The following FSTL5 variants were observed in gnomAD, a reference collection of about 807,000 sequenced individuals.
FSTL5 encodes follistatin like 5.
FSTL5 carries 62 observed loss-of-function variants against 89.1 expected under a neutral mutation model. The ratio of observed to expected loss-of-function variants is 0.70; its 90% confidence interval spans 0.57 to 0.86. FSTL5 has a LOEUF of 0.86. Among genes scored for constraint, FSTL5 ranks in the 40% least tolerant of loss-of-function variants. The pLI is 0.00. For synonymous variants in FSTL5, 383 were observed against 346.2 expected, an observed-to-expected ratio of 1.11 and a Z score of -1.18; for missense variants, 1,057 against 1,001.6, an observed-to-expected ratio of 1.06 and a Z score of -0.75.
chr4:162,044,279 T>A (rs1490478547), intron 2 of FSTL5, among the ~76,000 whole-genome samples: 1 of 152,212 alleles, frequency 6.6e-6, no homozygotes, highest in Non-Finnish European at 1.5e-5. Flanking sequence ...CACATCAGTA[T>A]CCTTGTAAAT....
At chr4:161,986,133 C>A (rs1235950924) in intron 3 of FSTL5, among the ~76,000 whole-genome samples, 1 of 152,118 alleles carries the variant, frequency 6.6e-6, no homozygotes, top group African/African-American at 2.4e-5. Flanking sequence ...TATCTGCACA[C>A]CTCATTCTCT....
intron 3 of FSTL5, among the ~76,000 whole-genome samples, chr4:162,001,900 A>G (rs1736475340): frequency 6.6e-6 from 1 of 152,012 alleles, no homozygotes; most frequent in South Asian, 2.1e-4. Flanking sequence ...ATTTCATTTC[A>G]GGCATCATGA....
At chr4:161,531,602 A>G (rs17041181) in intron 10 of FSTL5, among the ~76,000 whole-genome samples, 9,272 of 152,274 alleles carry the variant, frequency 0.061, 895 homozygotes, top group African/African-American at 0.21. Flanking sequence ...ACTAAAGTGT[A>G]GCTTCTGCTT....
chr4:161,508,006 T>C (rs977601794), intron 11 of FSTL5, among the ~76,000 whole-genome samples: 10 of 151,990 alleles, frequency 6.6e-5, no homozygotes, highest in Non-Finnish European at 1.3e-4. Context: ...AAAACACTGC[T>C]AGAATGAAAA....
intron 4 of FSTL5, among the ~76,000 whole-genome samples, chr4:161,860,286 TCAAACAAACAAA>T (rs10690156): frequency 2.7e-5 from 4 of 149,798 alleles, no homozygotes; most frequent in African/African-American, 4.9e-5. Context: ...AGACTCCGTC[TCAAACAAACAAA>T]CAAACAAACA....
intron 3 of FSTL5, among the ~76,000 whole-genome samples, chr4:161,933,176 T>A (rs1261306287): frequency 6.6e-6 from 1 of 152,076 alleles, no homozygotes. Context: ...GGCACCTCAC[T>A]CTCCCTACAC....
chr4:161,559,557 C>T (rs1244348209), intron 8 of FSTL5, among the ~76,000 whole-genome samples: 1 of 151,862 alleles, frequency 6.6e-6, no homozygotes, highest in African/African-American at 2.4e-5. Flanking sequence ...ACAAAAAGTA[C>T]ACTGTGAAAA....
intron 3 of FSTL5, among the ~76,000 whole-genome samples, chr4:161,948,133 A>T (rs1245101681): frequency 2.7e-5 from 4 of 150,216 alleles, no homozygotes; most frequent in African/African-American, 9.8e-5. Flanking sequence ...AAAAAAAAAA[A>T]GCTGCTGGGT....
chr4:162,129,536 C>T (rs1732215500), intron 1 of FSTL5, among the ~76,000 whole-genome samples: 1 of 152,168 alleles, frequency 6.6e-6, no homozygotes, highest in African/African-American at 2.4e-5. Flanking sequence ...AAAATATCAA[C>T]AGAACATTGT....
chr4:161,620,650 C>G (rs1276843731), intron 7 of FSTL5, among the ~76,000 whole-genome samples: 3 of 151,982 alleles, frequency 2.0e-5, no homozygotes, highest in Non-Finnish European at 2.9e-5. Context: ...GAATGAAACT[C>G]CATCTCAAAA....
At chr4:161,845,068 A>T (rs1398998334) in intron 4 of FSTL5, among the ~76,000 whole-genome samples, 1 of 152,186 alleles carries the variant, frequency 6.6e-6, no homozygotes, top group Non-Finnish European at 1.5e-5. Flanking sequence ...AATAGAACAG[A>T]AAACAACAAT....
chr4:162,050,904 T>C (rs1322784696), intron 2 of FSTL5, among the ~76,000 whole-genome samples: 1 of 150,948 alleles, frequency 6.6e-6, no homozygotes, highest in Non-Finnish European at 1.5e-5. Context: ...AAGCAGGAAA[T>C]AGGAAAAATA....
chr4:161,739,800 C>A (rs1214288309), intron 6 of FSTL5, among the ~76,000 whole-genome samples: 2 of 151,724 alleles, frequency 1.3e-5, no homozygotes, highest in Non-Finnish European at 1.5e-5. Flanking sequence ...ACATGAGTAG[C>A]CAGATGAATA....
rs546984111 is a variant in FSTL5 at position 161,934,029 on chromosome 4, C to A, written c.161-13377G>T. Among the ~76,000 whole-genome samples, 32 of 152,046 alleles carry A rather than the reference C, an allele frequency of 2.1e-4. 1 individual carries two copies. In the South Asian group the frequency reaches 6.6e-3, roughly 32 times the overall value. On this transcript the variant is annotated intron_variant, in intron 3 of 15. Coordinates refer to ENST00000306100, the MANE Select transcript of FSTL5 (RefSeq NM_020116.5). ...TATACTGACCTAAGCATTTTCTTCCCATCATTTGATGGGAAGACCTCATTT... is the reference window on the plus strand; with the variant it reads ...TATACTGACCTAAGCATTTTCTTCCAATCATTTGATGGGAAGACCTCATTT...
chr4:161,855,130 G>A (rs1342456897), intron 4 of FSTL5, among the ~76,000 whole-genome samples: 1 of 151,702 alleles, frequency 6.6e-6, no homozygotes, highest in African/African-American at 2.4e-5. Flanking sequence ...TTAAAGAGAA[G>A]AGAGTCTGAT....
intron 6 of FSTL5, among the ~76,000 whole-genome samples, chr4:161,661,938 T>C (rs1253432053): frequency 6.6e-6 from 1 of 152,190 alleles, no homozygotes; most frequent in East Asian, 1.9e-4. Context: ...AATGAGGAAC[T>C]GCCCAGTCTA....
Position 161,459,192 on chromosome 4 carries a change from A to C in FSTL5, c.1716+20T>G, listed in dbSNP as rs373350419. On this transcript the variant is annotated intron_variant, in intron 14 of 15. Transcript: ENST00000306100. ...GCTTTAAAGATTGTTATTTTCTCTA[A>C]TATACTGAAATGTACTTACCTGTAG... 2.3e-5 allele frequency: 29 copies of C among 1,281,218 alleles called. No homozygotes were observed. Among genetic ancestry groups the C allele is most frequent in the Admixed American group, 3.4e-5 (2 of 58,204 alleles). The allele number at this position is 1,281,218 out of a possible 1,614,324, so 79.4% of individuals were successfully genotyped here.
chr4:162,013,937 G>A (rs1736843079), intron 3 of FSTL5, among the ~76,000 whole-genome samples: 1 of 152,078 alleles, frequency 6.6e-6, no homozygotes, highest in South Asian at 2.1e-4. Context: ...CTGGATTTAA[G>A]CAAACTAAGA....
chr4:161,701,667 T>G (rs1276653267), intron 6 of FSTL5, among the ~76,000 whole-genome samples: 1 of 152,128 alleles, frequency 6.6e-6, no homozygotes, highest in Non-Finnish European at 1.5e-5. Flanking sequence ...AATGGTAATG[T>G]TCTAAGCAAA....
Sources: gnomAD v4.1 joint callset for allele counts (sites outside exome capture counted in the v4.1 genomes callset) on GRCh38, gnomAD v4.1.1 for gene constraint, MANE v1.5 for transcripts, NCBI Gene and HGNC (gene_info 2026-07-23, HGNC 2026-07-21) for gene names.